MATR3: variants seen among roughly 807,000 people sequenced by gnomAD.
MATR3 encodes the protein matrin 3, also known as matrin-3.
A neutral mutation model predicts 85.5 loss-of-function variants in MATR3; 4 were observed. The observed-to-expected ratio is 0.05, with a 90% CI of 0.02 to 0.11. MATR3 has a LOEUF of 0.11. Ranked by LOEUF, MATR3 falls within the 10% of genes least tolerant of loss-of-function variation. MATR3 has a pLI of 1.00. For missense variants in MATR3, 685 were observed against 1,016.1 expected (o/e 0.67, Z 4.43); for synonymous variants, 336 against 343.1 (o/e 0.98, Z 0.23).
intron 1 of MATR3, among the ~76,000 whole-genome samples, chr5:139,295,712 C>T (rs1202374984): frequency 2.0e-5 from 3 of 152,140 alleles, no homozygotes; most frequent in Non-Finnish European, 4.4e-5. Context: ...TTAGGAGCAT[C>T]ACGTAGTTCA....
At chr5:139,302,900 T>C (rs1354566129) in intron 1 of MATR3, among the ~76,000 whole-genome samples, 1 of 152,220 alleles carries the variant, frequency 6.6e-6, no homozygotes, top group Non-Finnish European at 1.5e-5. Context: ...TAAGAAACTG[T>C]AGTTTTCTAG....
At chr5:139,322,109 G>A in intron 10 of MATR3, 80 bp downstream of exon 10, 3 of 1,470,052 alleles carry the variant, frequency 2.0e-6, no homozygotes, top group Non-Finnish European at 2.9e-6. Flanking sequence ...AAACATTTTT[G>A]TATGCTAAAA....
In MATR3 at chr5:139,331,161, C is replaced by T. The variant is rs763347044; in HGVS notation, c.*1766C>T. 4 of 453,864 alleles carry T rather than the reference C, an allele frequency of 8.8e-6. No homozygotes were observed. The highest frequency in any genetic ancestry group is 6.0e-5 in the African/African-American group (3 of 49,964). The allele number at this position is 453,864 out of a possible 1,614,324, so 28.1% of individuals were successfully genotyped here. A position where few individuals can be genotyped will look rare whatever the true frequency, so the allele number is the denominator to read the frequency against. ...GGCATTGTCTTTCAAATGTTCAGAC[C>T]CCAGTTTATTAAAGGATACTTCAAA... is the stretch of plus-strand genomic sequence containing the variant. On this transcript the variant is annotated 3_prime_UTR_variant, in exon 15 of 15. Transcript: ENST00000394805.
At chr5:139,301,424 A>G (rs571394464) in intron 1 of MATR3, among the ~76,000 whole-genome samples, 6 of 151,916 alleles carry the variant, frequency 3.9e-5, no homozygotes, top group Non-Finnish European at 8.8e-5. Context: ...GGTTCAAGAG[A>G]TTCTCCTGCC....
chr5:139,302,117 C>T (rs1023618233), intron 1 of MATR3, among the ~76,000 whole-genome samples: 1 of 152,060 alleles, frequency 6.6e-6, no homozygotes, highest in Non-Finnish European at 1.5e-5. Flanking sequence ...GCTACTTTAC[C>T]ACACCCACCT....
chr5:139,291,216 C>G (rs1171922193), upstream of MATR3, among the ~76,000 whole-genome samples: 1 of 152,186 alleles, frequency 6.6e-6, no homozygotes, highest in Non-Finnish European at 1.5e-5. Flanking sequence ...TGCTTTATTC[C>G]CTTCACCTAG....
At chr5:139,283,797 C>T (rs1042019550) in intron 3 of MATR3, among the ~76,000 whole-genome samples, 2 of 152,164 alleles carry the variant, frequency 1.3e-5, no homozygotes, top group East Asian at 1.9e-4. Context: ...CTTTATCACC[C>T]GTAGATTCCC....
chr5:139,294,724 TC>T (rs1754053951), intron 1 of MATR3: 1 of 152,206 alleles, frequency 6.6e-6, no homozygotes, highest in African/African-American at 2.4e-5. Flanking sequence ...TGTGGGACCT[TC>T]CGGTTTCCAG....
intron 14 of MATR3, among the ~76,000 whole-genome samples, chr5:139,328,077 G>A (rs1361263367): frequency 2.6e-5 from 4 of 151,544 alleles, no homozygotes; most frequent in Non-Finnish European, 5.9e-5. Flanking sequence ...TAGCCAGGCT[G>A]GTCTTGAACT....
At chr5:139,301,801 T>G (rs1303293240) in intron 1 of MATR3, among the ~76,000 whole-genome samples, 1 of 152,210 alleles carries the variant, frequency 6.6e-6, no homozygotes, top group Non-Finnish European at 1.5e-5. Context: ...AAACTATTTC[T>G]TGCCTGATTG....
Position 139,322,881 on chromosome 5 carries a change from G to C in MATR3, c.2062G>C (p.Ala688Pro), listed in dbSNP as rs748935143. 3 of 1,614,036 alleles carry C rather than the reference G, an allele frequency of 1.9e-6. No homozygotes were observed. Among genetic ancestry groups the C allele is most frequent in the Non-Finnish European group, 2.5e-6 (3 of 1,179,986 alleles). Residue 688 changes from alanine to proline, a missense_variant, in exon 12 of 15, where the codon GCT becomes CCT. Transcript: ENST00000394805. The stretch of plus-strand genomic sequence containing the variant: ...CGATCTTGCTAATTTAGGTGATGTG[G>C]CTTCTGATGGGAAAAAGGAACCATC... ...ETDLANLGDVASDGKKEPSDK... is the reference protein window; with the variant it reads ...ETDLANLGDVPSDGKKEPSDK...
At chr5:139,325,295 G>A in intron 12 of MATR3, 145 bp from the exon 13 acceptor site, 2 of 1,554,166 alleles carry the variant, frequency 1.3e-6, no homozygotes, top group Non-Finnish European at 1.7e-6. Context: ...TTTCTTAACA[G>A]CGTCGTTTTC....
At position 139,329,477 on chromosome 5, in the gene MATR3, ATAGT is replaced by A. The variant is rs368308621; in HGVS notation, c.*86_*89del. The A allele has an allele frequency of 7.5e-4, 843 of 1,122,700 alleles. 3 individuals carry two copies. Among genetic ancestry groups the A allele is most frequent in the African/African-American group, 6.9e-3 (451 of 65,210 alleles). 69.5% of individuals were successfully genotyped at this position (1,122,700 alleles called of 1,614,324 possible). ...TTAACCTTTTTTAAATACAATACTG[ATAGT>A]TAGAAGAAAACTATTGTACTCTTTT... On this transcript the variant is annotated 3_prime_UTR_variant, in exon 15 of 15. Transcript: ENST00000394805.
chr5:139,319,860 CTTT>C (rs58123057), intron 9 of MATR3, among the ~76,000 whole-genome samples: 2,650 of 44,158 alleles, frequency 0.06, 191 homozygotes, highest in African/African-American at 0.19. Context: ...AAAAAATTTG[CTTT>C]TTTTTTTTTT....
chr5:139,295,557 A>G (rs572426010), intron 1 of MATR3, among the ~76,000 whole-genome samples: 1 of 152,288 alleles, frequency 6.6e-6, no homozygotes, highest in African/African-American at 2.4e-5. Flanking sequence ...ACTAACTTGG[A>G]AGGATTTAAC....
intron 9 of MATR3, among the ~76,000 whole-genome samples, chr5:139,320,181 C>T (rs1018117990): frequency 6.6e-6 from 1 of 150,914 alleles, no homozygotes; most frequent in African/African-American, 2.4e-5. Context: ...TGGTGGCGTG[C>T]GCCTGTTGTC....
chr5:139,328,767 G>A (rs1755982665), intron 14 of MATR3, among the ~76,000 whole-genome samples: 2 of 152,064 alleles, frequency 1.3e-5, no homozygotes, highest in South Asian at 2.1e-4. Flanking sequence ...TTTGGGAGGC[G>A]GGGACAGGCA....
chr5:139,274,688 G>C, intron 1 of MATR3, among the ~76,000 whole-genome samples: 1 of 152,174 alleles, frequency 6.6e-6, no homozygotes, highest in East Asian at 2.0e-4. Flanking sequence ...TGTAATCTCA[G>C]CACTTTGGGA....
chr5:139,322,314 G>A (rs867511339), intron 10 of MATR3, 149 bp from the exon 11 acceptor site: 1 of 814,386 alleles, frequency 1.2e-6, no homozygotes, highest in South Asian at 1.5e-5. Context: ...TGGTCATGAT[G>A]AATGTCTGTA....
Sources: allele counts gnomAD v4.1 joint callset (sites outside exome capture counted in the v4.1 genomes callset), GRCh38; gene constraint gnomAD v4.1.1; transcripts MANE v1.5; gene names NCBI Gene and HGNC (gene_info 2026-07-23, HGNC 2026-07-21).